Variants in GPHN observed in about 807,000 individuals in gnomAD.
The protein encoded by GPHN is gephyrin.
Under a neutral mutation model 95.5 loss-of-function variants are expected in GPHN, and 17 were observed. The observed-to-expected ratio is 0.18, with a 90% CI of 0.12 to 0.27. GPHN has a LOEUF of 0.27. Among genes scored for constraint, GPHN ranks in the 10% least tolerant of loss-of-function variants. The probability of loss-of-function intolerance (pLI) is 1.00; values close to 1 mark genes in which losing one functional copy is unlikely to be tolerated. For synonymous variants in GPHN, 320 were observed against 322.5 expected, an observed-to-expected ratio of 0.99 and a Z score of 0.08; for missense variants, 660 against 978.1, an observed-to-expected ratio of 0.67 and a Z score of 4.34.
chr14:67,108,135 C>T (rs1246595924), intron 13 of GPHN, among the ~76,000 whole-genome samples: 1 of 152,158 alleles, frequency 6.6e-6, no homozygotes, highest in Non-Finnish European at 1.5e-5. Flanking sequence ...GTGAGATTTC[C>T]TTACCACATC....
intron 4 of GPHN, among the ~76,000 whole-genome samples, chr14:66,867,892 C>T (rs897378515): frequency 3.3e-5 from 5 of 152,116 alleles, no homozygotes; most frequent in Admixed American, 2.0e-4. Flanking sequence ...TTCTGACCAG[C>T]ATCAGAAGCG....
At chr14:66,554,554 T>C (rs987955477) in intron 1 of GPHN, among the ~76,000 whole-genome samples, 3 of 152,136 alleles carry the variant, frequency 2.0e-5, no homozygotes, top group Admixed American at 2.0e-4. Context: ...CTATCATTTA[T>C]AAAACCATCA....
At chr14:67,203,992 G>A in the GPHN span, among the ~76,000 whole-genome samples, 2 of 152,292 alleles carry the variant, frequency 1.3e-5, no homozygotes, top group East Asian at 3.9e-4. Flanking sequence ...GATTACAGGC[G>A]TGAGCCACTG....
the GPHN span, among the ~76,000 whole-genome samples, chr14:67,554,754 G>A: frequency 6.6e-6 from 1 of 152,160 alleles, no homozygotes; most frequent in South Asian, 2.1e-4. Context: ...GGGCTCGTGA[G>A]CAGCTCTTTA....
At chr14:66,737,689 T>C (rs1057282998) in intron 2 of GPHN, among the ~76,000 whole-genome samples, 4 of 152,224 alleles carry the variant, frequency 2.6e-5, no homozygotes, top group Non-Finnish European at 5.9e-5. Context: ...CAGCAAATAC[T>C]GGCCCCAGAA....
the GPHN span, among the ~76,000 whole-genome samples, chr14:67,436,790 T>C: frequency 3.3e-5 from 5 of 152,158 alleles, no homozygotes; most frequent in African/African-American, 1.2e-4. Context: ...GCGCTGTGGC[T>C]CACGCTTGTC....
chr14:67,115,839 G>A (rs990461930), intron 16 of GPHN, among the ~76,000 whole-genome samples: 3 of 152,082 alleles, frequency 2.0e-5, no homozygotes, highest in Non-Finnish European at 2.9e-5. Context: ...AAAGAGTGCC[G>A]TACAAGATGT....
At chr14:67,199,250 G>A in the GPHN span, 1 of 1,598,980 alleles carries the variant, frequency 6.3e-7, no homozygotes. Context: ...ATTCTTGAGT[G>A]AGGATGATGC....
intron 1 of GPHN, among the ~76,000 whole-genome samples, chr14:66,598,942 G>A (rs943740437): frequency 5.3e-5 from 8 of 151,932 alleles, no homozygotes; most frequent in Non-Finnish European, 1.2e-4. Context: ...AGGGAAGGCC[G>A]TAGTTTGGGA....
chr14:67,250,016 T>C, the GPHN span, among the ~76,000 whole-genome samples: 1 of 152,226 alleles, frequency 6.6e-6, no homozygotes, highest in South Asian at 2.1e-4. Context: ...TGAGTTTCTA[T>C]CAAGATAAAG....
chr14:66,586,958 A>T (rs1259878956), intron 1 of GPHN, among the ~76,000 whole-genome samples: 3 of 152,194 alleles, frequency 2.0e-5, no homozygotes, highest in African/African-American at 7.2e-5. Context: ...TGAACAAAAC[A>T]GAATTGATTT....
chr14:66,743,797 A>G (rs542653189), intron 2 of GPHN, among the ~76,000 whole-genome samples: 3 of 152,230 alleles, frequency 2.0e-5, no homozygotes, highest in Admixed American at 6.5e-5. Flanking sequence ...CAGCTAACCA[A>G]GTCTTATTTC....
At position 66,862,321 on chromosome 14, in the gene GPHN, A is replaced by G. The variant is rs140872422; in HGVS notation, c.295-17618A>G. 5.1e-4 allele frequency among the ~76,000 whole-genome samples: 78 copies of G among 152,172 alleles called. 1 individual carries two copies. The highest frequency in any genetic ancestry group is 1.7e-3 in the African/African-American group (71 of 41,552). ...TCCAAAACCTGAACAGAGCAATAAC[A>G]AATATCAAGATTGAAGCTGTAAAAA... On this transcript the variant is annotated intron_variant, in intron 4 of 22. Coordinates refer to ENST00000478722, the MANE Select transcript of GPHN (RefSeq NM_020806.5).
chr14:67,450,415 G>A, the GPHN span, among the ~76,000 whole-genome samples: 1 of 152,334 alleles, frequency 6.6e-6, no homozygotes, highest in African/African-American at 2.4e-5. Context: ...ACAGAAAAAT[G>A]AGGGAAAGTT....
intron 3 of GPHN, among the ~76,000 whole-genome samples, chr14:66,798,997 T>A (rs1336356244): frequency 6.6e-6 from 1 of 151,864 alleles, no homozygotes; most frequent in Non-Finnish European, 1.5e-5. Flanking sequence ...ATCCCATAGG[T>A]TTTGATATGT....
chr14:67,578,978 T>A, the GPHN span, among the ~76,000 whole-genome samples: 1 of 152,358 alleles, frequency 6.6e-6, no homozygotes, highest in African/African-American at 2.4e-5. The surrounding 1 kb of genome is among the most constrained non-coding windows in gnomAD (Gnocchi z 5.0). Flanking sequence ...AGGTCCTGAA[T>A]GACAAATTAA....
chr14:67,148,583 CAG>C (rs1410766455), intron 18 of GPHN, among the ~76,000 whole-genome samples: 1 of 108,232 alleles, frequency 9.2e-6, no homozygotes, highest in African/African-American at 4.0e-5. Flanking sequence ...TTTTTTGAGA[CAG>C]AGGCTCGCTC....
At chr14:66,916,148 A>G in intron 6 of GPHN, 79 bp downstream of exon 6, 2 of 880,172 alleles carry the variant, frequency 2.3e-6, no homozygotes, top group Non-Finnish European at 3.9e-6. Context: ...AAAAAGTTGG[A>G]GCACTCCACA....
rs116182173 is a variant in GPHN at position 67,179,136 on chromosome 14, G to T, written c.2080-442G>T. 5.5e-3 allele frequency among the ~76,000 whole-genome samples: 837 copies of T among 152,266 alleles called. 3 individuals carry two copies. Among genetic ancestry groups the T allele is most frequent in the African/African-American group, 0.019 (800 of 41,518 alleles). On this transcript the variant is annotated intron_variant, in intron 21 of 22. Transcript: ENST00000478722. ...ATGGTGGCTCATGCCTATGATTCCAGCACTCTGGGAGGCCCAGGTGGCAGG... is the reference window on the plus strand; with the variant it reads ...ATGGTGGCTCATGCCTATGATTCCATCACTCTGGGAGGCCCAGGTGGCAGG...
Sources: gnomAD v4.1 joint callset for allele counts (sites outside exome capture counted in the v4.1 genomes callset) on GRCh38, gnomAD v4.1.1 for gene constraint, Gnocchi (gnomAD v3.1) non-coding constraint, MANE v1.5 for transcripts, NCBI Gene and HGNC (gene_info 2026-07-23, HGNC 2026-07-21) for gene names.